Variants in MDGA2 observed in about 807,000 individuals in gnomAD.
MDGA2 encodes MAM domain containing glycosylphosphatidylinositol anchor 2.
A neutral mutation model predicts 117.8 loss-of-function variants in MDGA2; 40 were observed. The observed-to-expected ratio is 0.34, with a 90% CI of 0.26 to 0.44. The LOEUF is 0.44. Among genes scored for constraint, MDGA2 ranks in the 20% least tolerant of loss-of-function variants. The pLI is 1.00. For synonymous variants in MDGA2, 452 were observed against 439.0 expected, an observed-to-expected ratio of 1.03 and a Z score of -0.37; for missense variants, 1,123 against 1,250.6, an observed-to-expected ratio of 0.90 and a Z score of 1.54.
intron 1 of MDGA2, among the ~76,000 whole-genome samples, chr14:47,334,468 T>C (rs533854409): frequency 6.6e-6 from 1 of 151,968 alleles, no homozygotes; most frequent in Non-Finnish European, 1.5e-5. Flanking sequence ...TCCGGAAGCA[T>C]CAGTTTTCTC....
intron 1 of MDGA2, among the ~76,000 whole-genome samples, chr14:47,558,830 G>A (rs1229809444): frequency 6.6e-6 from 1 of 152,124 alleles, no homozygotes; most frequent in Non-Finnish European, 1.5e-5. Context: ...TTTAACAATA[G>A]AGCTTCTCAC....
At chr14:47,358,495 G>C (rs946044717) in intron 1 of MDGA2, among the ~76,000 whole-genome samples, 3 of 152,030 alleles carry the variant, frequency 2.0e-5, no homozygotes, top group African/African-American at 7.2e-5. Context: ...AGAAACAAAG[G>C]GTATTCAAAT....
intron 15 of MDGA2, among the ~76,000 whole-genome samples, chr14:46,854,784 A>T (rs1040444129): frequency 6.6e-6 from 1 of 151,916 alleles, no homozygotes; most frequent in African/African-American, 2.4e-5. Flanking sequence ...CAGGAAAATC[A>T]TTTAAATTTT....
At chr14:47,456,901 C>CA (rs542310063) in intron 1 of MDGA2, among the ~76,000 whole-genome samples, 6,844 of 140,970 alleles carry the variant, frequency 0.049, 227 homozygotes, top group Non-Finnish European at 0.064. Context: ...GGAGTATACT[C>CA]AAAAAAAAAA....
intron 1 of MDGA2, among the ~76,000 whole-genome samples, chr14:47,644,341 G>A (rs1456808905): frequency 2.0e-5 from 3 of 152,074 alleles, no homozygotes; most frequent in African/African-American, 7.2e-5. Context: ...GGACAAAATG[G>A]ATAAAGAAAA....
chr14:47,045,358 T>G (rs545133219), intron 7 of MDGA2, among the ~76,000 whole-genome samples: 1 of 152,214 alleles, frequency 6.6e-6, no homozygotes, highest in Admixed American at 6.5e-5. Flanking sequence ...ATAATTAAAA[T>G]AAATCTCTTA....
At chr14:47,525,168 T>C (rs138797486) in intron 1 of MDGA2, among the ~76,000 whole-genome samples, 2 of 152,240 alleles carry the variant, frequency 1.3e-5, no homozygotes, top group African/African-American at 4.8e-5. Flanking sequence ...AACAAGAAAA[T>C]TGCCTTTTCA....
At chr14:47,287,192 C>A (rs953815181) in intron 2 of MDGA2, among the ~76,000 whole-genome samples, 1 of 151,944 alleles carries the variant, frequency 6.6e-6, no homozygotes, top group African/African-American at 2.4e-5. Context: ...CTCATTCACT[C>A]CCCCAAACAG....
intron 2 of MDGA2, among the ~76,000 whole-genome samples, chr14:47,235,832 C>T (rs975706191): frequency 1.3e-5 from 2 of 151,996 alleles, no homozygotes; most frequent in Non-Finnish European, 2.9e-5. Context: ...AGACTCATGC[C>T]GAGAGGAACT....
At chr14:47,644,334 C>T (rs981541031) in intron 1 of MDGA2, among the ~76,000 whole-genome samples, 6 of 151,956 alleles carry the variant, frequency 3.9e-5, no homozygotes, top group African/African-American at 1.5e-4. Flanking sequence ...CATGGATGGA[C>T]AAAATGGATA....
At chr14:46,992,862 T>A (rs985302732) in intron 8 of MDGA2, among the ~76,000 whole-genome samples, 1 of 152,306 alleles carries the variant, frequency 6.6e-6, no homozygotes, top group Non-Finnish European at 1.5e-5. Flanking sequence ...GAGGCTTGCA[T>A]GAAGTTGATT....
chr14:47,388,119 T>C (rs1891801732), intron 1 of MDGA2, among the ~76,000 whole-genome samples: 1 of 25,092 alleles, frequency 4.0e-5, no homozygotes, highest in South Asian at 3.2e-3. Flanking sequence ...GAGGAGTTTG[T>C]TTTTGTCTTT....
chr14:46,901,328 TATA>T (rs1883278732), intron 10 of MDGA2, among the ~76,000 whole-genome samples: 1 of 151,978 alleles, frequency 6.6e-6, no homozygotes, highest in Non-Finnish European at 1.5e-5. Flanking sequence ...AAACTTAAAG[TATA>T]ATAATAATAA....
At chr14:47,309,718 CATTTA>C (rs1387607357) in intron 1 of MDGA2, among the ~76,000 whole-genome samples, 4 of 151,948 alleles carry the variant, frequency 2.6e-5, no homozygotes, top group Admixed American at 2.6e-4. Flanking sequence ...AAACTTTAAA[CATTTA>C]ATTTAAGTTA....
intron 3 of MDGA2, among the ~76,000 whole-genome samples, chr14:47,172,418 C>A (rs1381904966): frequency 6.6e-6 from 1 of 151,810 alleles, no homozygotes; most frequent in Admixed American, 6.6e-5. Context: ...CAGACTGACA[C>A]CTCACACGGC....
intron 1 of MDGA2, among the ~76,000 whole-genome samples, chr14:47,605,899 T>G (rs1896734298): frequency 6.6e-6 from 1 of 152,088 alleles, no homozygotes; most frequent in Non-Finnish European, 1.5e-5. Context: ...GTGGCCTTGG[T>G]TTATCTCAAA....
chr14:47,080,019 CCG>C (rs1326088871), intron 6 of MDGA2, among the ~76,000 whole-genome samples: 4 of 152,158 alleles, frequency 2.6e-5, no homozygotes, highest in African/African-American at 9.7e-5. Context: ...GCGTGAGCCA[CCG>C]TGCCCGGCCT....
At chr14:47,042,438 T>C (rs35075273) in intron 7 of MDGA2, among the ~76,000 whole-genome samples, 48,541 of 151,536 alleles carry the variant, frequency 0.32, 8,517 homozygotes, top group East Asian at 0.53. Flanking sequence ...GGTGATCTGA[T>C]TGAGACTCCA....
chr14:47,612,819 A>G (rs1427324968), intron 1 of MDGA2, among the ~76,000 whole-genome samples: 1 of 152,226 alleles, frequency 6.6e-6, no homozygotes, highest in African/African-American at 2.4e-5. Flanking sequence ...AATAAAATTC[A>G]TATCTATTTT....
Sources: allele counts gnomAD v4.1 joint callset (sites outside exome capture counted in the v4.1 genomes callset), GRCh38; gene constraint gnomAD v4.1.1; transcripts MANE v1.5; gene names NCBI Gene and HGNC (gene_info 2026-07-23, HGNC 2026-07-21).